SORCS2: variants seen among roughly 807,000 people sequenced by gnomAD.
SORCS2 encodes the protein sortilin related VPS10 domain containing receptor 2.
A neutral mutation model predicts 141.6 loss-of-function variants in SORCS2; 100 were observed. The ratio of observed to expected loss-of-function variants is 0.71; its 90% confidence interval spans 0.60 to 0.83. The LOEUF is 0.83. Ranked by LOEUF, SORCS2 falls within the 40% of genes least tolerant of loss-of-function variation. SORCS2 has a pLI of 0.00. For missense variants in SORCS2, 1,646 were observed against 1,560.2 expected, an observed-to-expected ratio of 1.05 and a Z score of -0.93; for synonymous variants, 789 against 676.9, an observed-to-expected ratio of 1.17 and a Z score of -2.57.
intron 2 of SORCS2, among the ~76,000 whole-genome samples, chr4:7,462,566 G>A (rs1729375531): frequency 6.6e-6 from 1 of 151,980 alleles, no homozygotes; most frequent in Non-Finnish European, 1.5e-5. Flanking sequence ...GCACCTGGAG[G>A]CGACTCACAG....
rs1354138479 is a variant in SORCS2, at chr4:7,661,580, C to A, written c.952+16C>A. On this transcript the variant is annotated intron_variant, in intron 6 of 26. Coordinates refer to ENST00000507866, the MANE Select transcript of SORCS2 (RefSeq NM_020777.3). ...CTCGGTGGAGGTAAGCCGGGCAGTGCACAGGCACCGGGTATCCCTGAGTCA... is the reference window on the plus strand; with the variant it reads ...CTCGGTGGAGGTAAGCCGGGCAGTGAACAGGCACCGGGTATCCCTGAGTCA... 3 of 1,551,152 alleles carry A rather than the reference C, an allele frequency of 1.9e-6. No homozygotes were observed. The highest frequency in any genetic ancestry group is 2.6e-6 in the Non-Finnish European group (3 of 1,146,738).
intron 1 of SORCS2, among the ~76,000 whole-genome samples, chr4:7,300,594 G>A (rs1048975457): frequency 3.3e-5 from 5 of 152,200 alleles, no homozygotes; most frequent in African/African-American, 1.2e-4. Flanking sequence ...GCGACCTTTG[G>A]AGTAGGTACT....
chr4:7,477,642 C>A (rs1730383968), intron 2 of SORCS2, among the ~76,000 whole-genome samples: 2 of 152,192 alleles, frequency 1.3e-5, no homozygotes, highest in Non-Finnish European at 2.9e-5. Context: ...GAACTGGAGT[C>A]TATTCCCGAG....
rs1436891457 is a variant in SORCS2, at chr4:7,733,271, G to C, written c.3109-51G>C. 3 of 1,394,736 alleles carry C rather than the reference G, an allele frequency of 2.2e-6. No individual in the cohort carries two copies. In the East Asian group the frequency reaches 8.0e-5, roughly 37 times the overall value. 86.4% of individuals were successfully genotyped at this position (1,394,736 alleles called of 1,614,324 possible). A position where few individuals can be genotyped will look rare whatever the true frequency, so the allele number is the denominator to read the frequency against. ...AGGACCCCATCCCCCTTCCCTTTTG[G>C]CAGAGGAGCCTCCATGGAGGCCTCA... On this transcript the variant is annotated intron_variant, in intron 23 of 26. Transcript: ENST00000507866.
intron 14 of SORCS2, among the ~76,000 whole-genome samples, chr4:7,705,711 T>C (rs1725386265): frequency 6.6e-6 from 1 of 152,202 alleles, no homozygotes; most frequent in Admixed American, 6.5e-5. Context: ...CATTCACCAG[T>C]TCACACCCTG....
chr4:7,602,752 G>C (rs560525532), intron 3 of SORCS2, among the ~76,000 whole-genome samples: 178 of 152,194 alleles, frequency 1.2e-3, no homozygotes, highest in African/African-American at 4.0e-3. Context: ...CTTCCCAGAC[G>C]GGGTGGCGGC....
At chr4:7,521,501 C>T (rs923672382) in intron 2 of SORCS2, among the ~76,000 whole-genome samples, 3 of 152,220 alleles carry the variant, frequency 2.0e-5, no homozygotes, top group Non-Finnish European at 4.4e-5. Context: ...TTCCCTCTTC[C>T]TCTCTGATCC....
At chr4:7,567,297 C>T (rs537177833) in intron 3 of SORCS2, among the ~76,000 whole-genome samples, 3 of 152,200 alleles carry the variant, frequency 2.0e-5, no homozygotes, top group East Asian at 1.9e-4. Context: ...TTACCTAATG[C>T]CTTCATCGAT....
chr4:7,736,222 AG>A (rs1014299928), intron 25 of SORCS2, among the ~76,000 whole-genome samples: 1 of 152,232 alleles, frequency 6.6e-6, no homozygotes, highest in African/African-American at 2.4e-5. Flanking sequence ...GGGGCCCGGC[AG>A]GGGCTTGGCC....
At chr4:7,318,549 C>T (rs1022012818) in intron 1 of SORCS2, among the ~76,000 whole-genome samples, 1 of 152,128 alleles carries the variant, frequency 6.6e-6, no homozygotes, top group African/African-American at 2.4e-5. Flanking sequence ...CTCTTCGTGC[C>T]CAGTTTTGAT....
chr4:7,584,987 G>A (rs142991149), intron 3 of SORCS2, among the ~76,000 whole-genome samples: 474 of 152,236 alleles, frequency 3.1e-3, no homozygotes, highest in African/African-American at 0.011. Flanking sequence ...TGTGATTCCC[G>A]GCGTGACTGC....
chr4:7,434,818 G>A (rs1727183269), intron 2 of SORCS2: 1 of 1,603,934 alleles, frequency 6.2e-7, no homozygotes, highest in Admixed American at 1.7e-5. Context: ...CTGGGGGCCT[G>A]AGGTGGGGCT....
At chr4:7,455,668 G>A (rs1728858611) in intron 2 of SORCS2, among the ~76,000 whole-genome samples, 2 of 147,628 alleles carry the variant, frequency 1.4e-5, no homozygotes, top group South Asian at 4.4e-4. Flanking sequence ...GTTGGGGTCA[G>A]GCTCCGTGTT....
At chr4:7,394,354 A>G (rs2109107906) in intron 1 of SORCS2, among the ~76,000 whole-genome samples, 1 of 148,922 alleles carries the variant, frequency 6.7e-6, no homozygotes, top group Admixed American at 6.7e-5. Context: ...CCTCAGCAGT[A>G]GAAGCAGACC....
At chr4:7,376,672 C>G (rs2878615) in intron 1 of SORCS2, among the ~76,000 whole-genome samples, 5 of 152,002 alleles carry the variant, frequency 3.3e-5, no homozygotes, top group African/African-American at 1.2e-4. Context: ...ATTTTCTGCG[C>G]ATGTCTATGT....
chr4:7,298,045 C>T (rs1717195512), intron 1 of SORCS2, among the ~76,000 whole-genome samples: 1 of 152,236 alleles, frequency 6.6e-6, no homozygotes, highest in Non-Finnish European at 1.5e-5. Context: ...ACCTCTTCCC[C>T]AGGTCCGTCC....
At chr4:7,661,741 G>A (rs1225776896) in intron 6 of SORCS2, among the ~76,000 whole-genome samples, 177 bp downstream of exon 6, 3 of 152,162 alleles carry the variant, frequency 2.0e-5, no homozygotes, top group Non-Finnish European at 4.4e-5. Flanking sequence ...GGGAGGAATC[G>A]AAGTCAGGGA....
intron 2 of SORCS2, among the ~76,000 whole-genome samples, chr4:7,477,575 C>T (rs1350301215): frequency 6.6e-6 from 1 of 152,164 alleles, no homozygotes; most frequent in Non-Finnish European, 1.5e-5. Context: ...CTCTGCAAAG[C>T]CGGGGTCTGA....
chr4:7,740,044 C>T (rs531565125), intron 26 of SORCS2, among the ~76,000 whole-genome samples, 156 bp from the exon 27 acceptor site: 6 of 152,226 alleles, frequency 3.9e-5, no homozygotes, highest in East Asian at 1.9e-4. Context: ...CTAGGAACCG[C>T]GGAGACCCCC....
Sources: gnomAD v4.1 joint callset for allele counts (sites outside exome capture counted in the v4.1 genomes callset) on GRCh38, gnomAD v4.1.1 for gene constraint, MANE v1.5 for transcripts, NCBI Gene and HGNC (gene_info 2026-07-23, HGNC 2026-07-21) for gene names.